The following PDIA4 variants were observed in gnomAD, a reference collection of about 807,000 sequenced individuals.
PDIA4 encodes the protein protein disulfide-isomerase A4.
A neutral mutation model predicts 62.1 loss-of-function variants in PDIA4; 33 were observed. The observed-to-expected ratio is 0.53, with a 90% CI of 0.40 to 0.71. PDIA4 has a LOEUF of 0.71. Among genes scored for constraint, PDIA4 ranks in the 30% least tolerant of loss-of-function variants. PDIA4 has a pLI of 0.00. For missense variants in PDIA4, 804 were observed against 813.6 expected (o/e 0.99, Z 0.14); for synonymous variants, 341 against 324.1 (o/e 1.05, Z -0.56).
intron 7 of PDIA4, among the ~76,000 whole-genome samples, chr7:149,007,033 C>T (rs1417064186): frequency 1.3e-5 from 2 of 152,138 alleles, no homozygotes; most frequent in African/African-American, 4.8e-5. Flanking sequence ...CATCAGGACC[C>T]CTCTTTGGGC....
chr7:149,018,100 G>T (rs564693259), intron 3 of PDIA4, among the ~76,000 whole-genome samples: 9 of 151,938 alleles, frequency 5.9e-5, no homozygotes, highest in African/African-American at 2.2e-4. Context: ...GTGGTGGCAG[G>T]CGCCTGTAGT....
At chr7:149,017,740 C>CA (rs1824193469) in intron 3 of PDIA4, among the ~76,000 whole-genome samples, 2 of 151,376 alleles carry the variant, frequency 1.3e-5, no homozygotes, top group Admixed American at 1.3e-4. Context: ...AAATAAAAAT[C>CA]AAATAATTTA....
At chr7:149,015,097 A>C (rs1585421141) in intron 3 of PDIA4, 55 bp from the exon 4 acceptor site, 1 of 1,587,110 alleles carries the variant, frequency 6.3e-7, no homozygotes, top group Non-Finnish European at 8.6e-7. Flanking sequence ...CAGGCACTTC[A>C]CCTCCCTCCA....
intron 1 of PDIA4, among the ~76,000 whole-genome samples, chr7:149,025,712 A>G (rs1282415270): frequency 6.6e-6 from 1 of 152,158 alleles, no homozygotes; most frequent in Non-Finnish European, 1.5e-5. Context: ...AATACGCCCA[A>G]AGTTTTTGGT....
chr7:149,011,907 G>A lies in PDIA4; in HGVS notation c.918C>T (p.Val306=), dbSNP rs1563120867. The A allele has an allele frequency of 6.2e-7, 1 of 1,608,184 alleles. No individual in the cohort carries two copies. The highest frequency in any genetic ancestry group is 8.5e-7 in the Non-Finnish European group (1 of 1,176,746). Residue 306 remains valine (V), a synonymous_variant, in exon 6 of 10, where the codon GTC becomes GTT. Coordinates refer to ENST00000652332, the MANE Select transcript of PDIA4 (RefSeq NM_004911.5). ...VQEFLKDGDD[V]IIIGVFKGES... The stretch of plus-strand genomic sequence containing the variant: ...CCCCCTTAAAGACCCCGATGATGAT[G>A]ACATCGTCTCCATCCTTCAGGAACT...
chr7:149,015,161 G>A, intron 3 of PDIA4, 119 bp from the exon 4 acceptor site: 1 of 1,012,916 alleles, frequency 9.9e-7, no homozygotes, highest in South Asian at 1.6e-5. Context: ...AAGAACAGGA[G>A]GTGTCTGATT....
chr7:149,009,858 C>T (rs1447090331), intron 6 of PDIA4, among the ~76,000 whole-genome samples: 3 of 152,194 alleles, frequency 2.0e-5, no homozygotes, highest in Admixed American at 2.0e-4. Context: ...GTAAATGCAC[C>T]TTCAGTCCCT....
chr7:149,025,396 C>G (rs1349629641), intron 1 of PDIA4, among the ~76,000 whole-genome samples: 3 of 152,172 alleles, frequency 2.0e-5, no homozygotes, highest in African/African-American at 4.8e-5. Context: ...CCTGAAACAG[C>G]TGCATAAACT....
intron 1 of PDIA4, among the ~76,000 whole-genome samples, chr7:149,023,767 C>T (rs969766682): frequency 2.0e-5 from 3 of 152,110 alleles, no homozygotes; most frequent in Non-Finnish European, 4.4e-5. Flanking sequence ...TAAAACATGA[C>T]CACATAGACA....
intron 7 of PDIA4, among the ~76,000 whole-genome samples, chr7:149,007,239 A>G (rs1307484250): frequency 1.3e-5 from 2 of 152,116 alleles, no homozygotes; most frequent in East Asian, 1.9e-4. Context: ...GGGACCAGAA[A>G]GATTCAGGGT....
intron 7 of PDIA4, among the ~76,000 whole-genome samples, chr7:149,006,607 GT>G (rs1444606061): frequency 6.6e-6 from 1 of 152,186 alleles, no homozygotes; most frequent in East Asian, 1.9e-4. Context: ...GGGTCCTTGT[GT>G]GGCACTGAAG....
intron 4 of PDIA4, among the ~76,000 whole-genome samples, chr7:149,012,772 A>T (rs994938584): frequency 2.1e-4 from 32 of 152,262 alleles, no homozygotes; most frequent in Middle Eastern, 6.8e-3. Flanking sequence ...GATCCAAGGG[A>T]CAGCGAGGAA....
intron 1 of PDIA4, among the ~76,000 whole-genome samples, chr7:149,024,314 G>A (rs1465139872): frequency 1.1e-5 from 1 of 87,546 alleles, no homozygotes; most frequent in Non-Finnish European, 2.4e-5. Flanking sequence ...ATGTAATTAA[G>A]GACTCTCAAG....
chr7:149,016,855 G>A (rs1480771956), intron 3 of PDIA4, among the ~76,000 whole-genome samples: 1 of 152,126 alleles, frequency 6.6e-6, no homozygotes, highest in Non-Finnish European at 1.5e-5. Flanking sequence ...CAGGTTCAGG[G>A]AAGAAAGACT....
At chr7:149,010,273 G>A (rs1823901302) in intron 6 of PDIA4, among the ~76,000 whole-genome samples, 2 of 152,138 alleles carry the variant, frequency 1.3e-5, no homozygotes, top group African/African-American at 4.8e-5. Context: ...GCCGAGGCAG[G>A]AGGATCACTT....
At chr7:149,014,498 C>T (rs10269104) in intron 4 of PDIA4, among the ~76,000 whole-genome samples, 30,444 of 151,978 alleles carry the variant, frequency 0.2, 3,355 homozygotes, top group Middle Eastern at 0.31. Context: ...CGTCTTCTTC[C>T]GCTCTGCTCT....
intron 4 of PDIA4, 55 bp downstream of exon 4, chr7:149,014,849 C>A: frequency 6.3e-7 from 1 of 1,579,762 alleles, no homozygotes; most frequent in Non-Finnish European, 8.7e-7. Context: ...CCTGCCACCC[C>A]GCACCTAGTG....
chr7:149,021,203 T>C, intron 1 of PDIA4, 56 bp from the exon 2 acceptor site: 2 of 1,528,372 alleles, frequency 1.3e-6, no homozygotes, highest in Admixed American at 2.0e-5. Flanking sequence ...TCCTTAAAAC[T>C]TTCCTGGCCG....
intron 6 of PDIA4, among the ~76,000 whole-genome samples, chr7:149,009,667 A>G (rs1056925371): frequency 1.3e-5 from 2 of 152,334 alleles, no homozygotes; most frequent in South Asian, 4.1e-4. Context: ...GAGAGTGAGT[A>G]GTTAAGGCTC....
Sources: gnomAD v4.1 joint callset for allele counts (sites outside exome capture counted in the v4.1 genomes callset) on GRCh38, gnomAD v4.1.1 for gene constraint, MANE v1.5 for transcripts, NCBI Gene and HGNC (gene_info 2026-07-23, HGNC 2026-07-21) for gene names.